Variants in ERVH48-1 observed in about 807,000 individuals in gnomAD.
ERVH48-1 encodes suppressyn.
In ERVH48-1, 4 loss-of-function variants were observed where a neutral mutation model predicts 2.4. The ratio of observed to expected loss-of-function variants is 1.68; its 90% CI spans 0.83 to 3.84. ERVH48-1 has a LOEUF of 3.84. Among genes scored for constraint, ERVH48-1 ranks in the 30% most tolerant of loss-of-function variants. The pLI, the probability that ERVH48-1 is intolerant of heterozygous loss-of-function variation, is 0.01. For synonymous variants in ERVH48-1, 32 were observed against 15.5 expected (o/e 2.06, Z -2.49); for missense variants, 97 against 43.4 (o/e 2.23, Z -3.47).
chr21:42,925,302 C>G (rs2058817515), intron 1 of ERVH48-1, 44 bp downstream of exon 1: 2 of 362,498 alleles, frequency 5.5e-6, no homozygotes, highest in East Asian at 1.9e-4. Context: ...CCAAGAGAGG[C>G]CGTGCGGATT....
At chr21:42,923,589 T>G (rs1027673562) in intron 1 of ERVH48-1, among the ~76,000 whole-genome samples, 2 of 152,150 alleles carry the variant, frequency 1.3e-5, no homozygotes, top group Admixed American at 1.3e-4. Context: ...CTAAAAGTTT[T>G]TCATAGTTTA....
Position 42,918,588 on chromosome 21 carries a change from G to A in ERVH48-1, c.419C>T (p.Ser140Leu). ...ATTTTCAGGGGGAGTTGTTGGTTTT[G>A]AGGCTTTGGCTTTGGCTATAATCTG... The part of the protein sequence containing the change: ...REQIIAKAKA[S>L]KPTTPPENRP... Residue 140 changes from serine to leucine, a missense_variant, in exon 2 of 2, where the codon TCA becomes TTA. By Grantham distance (145) the Ser-to-Leu change is moderately radical. Coordinates refer to ENST00000447535, the MANE Select transcript of ERVH48-1 (RefSeq NM_001308491.2). The A allele has an allele frequency of 2.2e-6, 1 of 456,488 alleles. No homozygotes were observed. The highest frequency in any genetic ancestry group is 4.4e-6 in the Non-Finnish European group (1 of 226,844). The allele number at this position is 456,488 out of a possible 1,614,324, so 28.3% of individuals were successfully genotyped here.
intron 1 of ERVH48-1, among the ~76,000 whole-genome samples, chr21:42,924,002 G>A (rs1414824254): frequency 6.6e-6 from 1 of 152,238 alleles, no homozygotes; most frequent in Non-Finnish European, 1.5e-5. Flanking sequence ...GCTACTTCCC[G>A]AAGGGGGCAT....
intron 1 of ERVH48-1, among the ~76,000 whole-genome samples, chr21:42,920,385 G>C (rs1198038629): frequency 6.6e-6 from 1 of 152,172 alleles, no homozygotes; most frequent in African/African-American, 2.4e-5. Context: ...TCTGGGGTTT[G>C]GTGGCCCCTG....
intron 1 of ERVH48-1, among the ~76,000 whole-genome samples, chr21:42,923,305 G>A (rs755912744): frequency 1.1e-4 from 16 of 152,232 alleles, no homozygotes; most frequent in Non-Finnish European, 1.3e-4. Flanking sequence ...GCAAGCATTC[G>A]AAACTCTGCC....
chr21:42,925,165 C>G (rs892588117), intron 1 of ERVH48-1, among the ~76,000 whole-genome samples, 181 bp downstream of exon 1: 1 of 152,054 alleles, frequency 6.6e-6, no homozygotes, highest in African/African-American at 2.4e-5. Context: ...AGGCTGGTCT[C>G]GAACTCCTGA....
In ERVH48-1 at chr21:42,918,574, G is replaced by C. The variant is rs2058796040; in HGVS notation, c.433C>G (p.Pro145Ala). ...AKAKASKPTT[P>A]PENRPRHFHS... Reference sequence around the variant, plus strand: ...AAATGCCGCGGGCGATTTTCAGGGGGAGTTGTTGGTTTTGAGGCTTTGGCT... The same window carrying C: ...AAATGCCGCGGGCGATTTTCAGGGGCAGTTGTTGGTTTTGAGGCTTTGGCT... Residue 145 changes from proline (P) to alanine (A), a missense_variant, in exon 2 of 2, where the codon CCC becomes GCC. Pro to Ala is a conservative substitution (Grantham distance 27). Coordinates refer to ENST00000447535, the MANE Select transcript of ERVH48-1 (RefSeq NM_001308491.2). The C allele has an allele frequency of 4.4e-6, 2 of 456,314 alleles. No individual in the cohort carries two copies. Among genetic ancestry groups the C allele is most frequent in the Non-Finnish European group, 8.8e-6 (2 of 226,806 alleles). 28.3% of individuals were successfully genotyped at this position (456,314 alleles called of 1,614,324 possible). A position where few individuals can be genotyped will look rare whatever the true frequency, so the allele number is the denominator to read the frequency against.
chr21:42,917,161 A>G lies in ERVH48-1; in HGVS notation c.*1363T>C, dbSNP rs1193134696. On this transcript the variant is annotated 3_prime_UTR_variant, in exon 2 of 2. Transcript: ENST00000447535. ...AAAGGGGAAAGGGACGACTTTCTCA[A>G]TAACTACTTCAGGCGTGACATAGGG... 6.6e-6 allele frequency: 1 copy of G among 152,192 alleles called. No homozygotes were observed. Among genetic ancestry groups the G allele is most frequent in the African/African-American group, 2.4e-5 (1 of 41,440 alleles). 9.4% of individuals were successfully genotyped at this position (152,192 alleles called of 1,614,324 possible).
At position 42,916,811 on chromosome 21, in the gene ERVH48-1, C is replaced by T. The variant is rs2058790009; in HGVS notation, c.*1713G>A. On this transcript the variant is annotated 3_prime_UTR_variant, in exon 2 of 2. Transcript: ENST00000447535. Reference sequence around the variant, plus strand: ...GACAACATGAGGCGGTGTGGAGCAACATGCTGTTTTAATGAGCGCCTGCAT... The same window carrying T: ...GACAACATGAGGCGGTGTGGAGCAATATGCTGTTTTAATGAGCGCCTGCAT... 2.6e-5 allele frequency: 5 copies of T among 189,010 alleles called. No individual in the cohort carries two copies. Among genetic ancestry groups the T allele is most frequent in the Non-Finnish European group, 4.2e-5 (4 of 95,010 alleles). 11.7% of individuals were successfully genotyped at this position (189,010 alleles called of 1,614,324 possible). A position where few individuals can be genotyped will look rare whatever the true frequency, so the allele number is the denominator to read the frequency against.
At position 42,918,412 on chromosome 21, in the gene ERVH48-1, A is replaced by C. The variant is rs1294607767; in HGVS notation, c.*112T>G. The stretch of plus-strand genomic sequence containing the variant: ...CTATCCCGTCCCACAGCCACTGTTC[A>C]CTCATAAAGCTCCCCCGCATACCCA... On this transcript the variant is annotated 3_prime_UTR_variant, in exon 2 of 2. Coordinates refer to ENST00000447535, the MANE Select transcript of ERVH48-1 (RefSeq NM_001308491.2). 1.4e-5 allele frequency: 5 copies of C among 370,240 alleles called. No individual in the cohort carries two copies. Among genetic ancestry groups the C allele is most frequent in the African/African-American group, 2.1e-5 (1 of 47,096 alleles). The allele number at this position is 370,240 out of a possible 1,614,324, so 22.9% of individuals were successfully genotyped here. A position where few individuals can be genotyped will look rare whatever the true frequency, so the allele number is the denominator to read the frequency against.
At chr21:42,919,821 C>T (rs887600667) in intron 1 of ERVH48-1, among the ~76,000 whole-genome samples, 3 of 152,144 alleles carry the variant, frequency 2.0e-5, no homozygotes, top group African/African-American at 7.2e-5. Context: ...TGCTTCTACC[C>T]ACCTGGAGAA....
intron 1 of ERVH48-1, among the ~76,000 whole-genome samples, chr21:42,920,039 AGG>A (rs2058800987): frequency 2.7e-5 from 4 of 147,466 alleles, no homozygotes; most frequent in Non-Finnish European, 6.0e-5. Flanking sequence ...AGGACAAATG[AGG>A]ATAGGGCAGA....
Position 42,918,408 on chromosome 21 carries a change from G to T in ERVH48-1, c.*116C>A, listed in dbSNP as rs2058795285. ...ATGTCTATCCCGTCCCACAGCCACT[G>T]TTCACTCATAAAGCTCCCCCGCATA... is the stretch of plus-strand genomic sequence containing the variant. On this transcript the variant is annotated 3_prime_UTR_variant, in exon 2 of 2. Transcript: ENST00000447535. 3 of 370,532 alleles carry T rather than the reference G, an allele frequency of 8.1e-6. No homozygotes were observed. The highest frequency in any genetic ancestry group is 1.6e-5 in the Non-Finnish European group (3 of 188,678). The allele number at this position is 370,532 out of a possible 1,614,324, so 23.0% of individuals were successfully genotyped here.
intron 1 of ERVH48-1, among the ~76,000 whole-genome samples, chr21:42,924,258 G>A (rs1452083194): frequency 1.3e-5 from 2 of 152,138 alleles, no homozygotes; most frequent in African/African-American, 4.8e-5. Context: ...GTCCTGAGGA[G>A]AGGATGGTGT....
Position 42,918,759 on chromosome 21 carries a change from C to G in ERVH48-1, c.248G>C (p.Gly83Ala), listed in dbSNP as rs1221985963. The G allele has an allele frequency of 8.8e-6, 4 of 456,590 alleles. No homozygotes were observed. Among genetic ancestry groups the G allele is most frequent in the Non-Finnish European group, 1.8e-5 (4 of 226,964 alleles). 28.3% of individuals were successfully genotyped at this position (456,590 alleles called of 1,614,324 possible). A position where few individuals can be genotyped will look rare whatever the true frequency, so the allele number is the denominator to read the frequency against. The change falls in exon 2 of 2, where the codon GGA becomes GCA. Residue 83 changes from glycine to alanine, a missense_variant. Coordinates refer to ENST00000447535, the MANE Select transcript of ERVH48-1 (RefSeq NM_001308491.2). Reference sequence around the variant, plus strand: ...ATTCTTTACTTTATAATAACTCTTTCCTGATTCAACACATTCCTCGATTAA... The same window carrying G: ...ATTCTTTACTTTATAATAACTCTTTGCTGATTCAACACATTCCTCGATTAA... ...GNLIEECVES[G>A]KSYYKVKNLG...
chr21:42,919,019 G>T lies in ERVH48-1; in HGVS notation c.-13C>A. The T allele has an allele frequency of 1.6e-6, 2 of 1,234,312 alleles. No individual in the cohort carries two copies. The highest frequency in any genetic ancestry group is 2.1e-6 in the Non-Finnish European group (2 of 947,786). The allele number at this position is 1,234,312 out of a possible 1,614,324, so 76.5% of individuals were successfully genotyped here. A position where few individuals can be genotyped will look rare whatever the true frequency, so the allele number is the denominator to read the frequency against. On this transcript the variant is annotated 5_prime_UTR_variant, in exon 2 of 2. Transcript: ENST00000447535. Reference sequence around the variant, plus strand: ...AGATACAGGCCATTCCTGGAAGCACGTGGTTAGTCTTCCTTGTGTTTTGGT... The same window carrying T: ...AGATACAGGCCATTCCTGGAAGCACTTGGTTAGTCTTCCTTGTGTTTTGGT...
intron 1 of ERVH48-1, among the ~76,000 whole-genome samples, chr21:42,924,234 G>A (rs1421298452): frequency 1.3e-5 from 2 of 152,112 alleles, no homozygotes; most frequent in Non-Finnish European, 2.9e-5. Flanking sequence ...ATGGGTACAG[G>A]CAGTGCAAGA....
chr21:42,925,241 G>A (rs775373409), intron 1 of ERVH48-1, 105 bp downstream of exon 1: 3 of 273,782 alleles, frequency 1.1e-5, no homozygotes, highest in East Asian at 1.3e-4. Context: ...CACCACGCCC[G>A]GCCATGCCAT....
chr21:42,923,618 T>C (rs1200609854), intron 1 of ERVH48-1, among the ~76,000 whole-genome samples: 2 of 152,170 alleles, frequency 1.3e-5, no homozygotes, highest in African/African-American at 4.8e-5. Context: ...TGGGCACACT[T>C]TTTGAGTCCT....
Sources: allele counts gnomAD v4.1 joint callset (sites outside exome capture counted in the v4.1 genomes callset), GRCh38; gene constraint gnomAD v4.1.1; transcripts MANE v1.5; gene names NCBI Gene and HGNC (gene_info 2026-07-23, HGNC 2026-07-21).